DNAJB14: variants seen among roughly 807,000 people sequenced by gnomAD.
The protein encoded by DNAJB14 is DnaJ heat shock protein family (Hsp40) member B14.
A neutral mutation model predicts 48.4 loss-of-function variants in DNAJB14; 22 were observed. That is an observed-to-expected ratio of 0.45 (90% CI 0.32 to 0.65). The LOEUF (loss-of-function observed/expected upper bound fraction) is 0.65. DNAJB14 is among the 30% of genes least tolerant of loss of function. The pLI, the probability that DNAJB14 is intolerant of heterozygous loss-of-function variation, is 0.03. For missense variants in DNAJB14, 319 were observed against 458.8 expected, an observed-to-expected ratio of 0.70 and a Z score of 2.78; for synonymous variants, 142 against 158.7, an observed-to-expected ratio of 0.89 and a Z score of 0.79.
At chr4:99,905,297 T>C (rs573901735) in intron 6 of DNAJB14, among the ~76,000 whole-genome samples, 7 of 152,264 alleles carry the variant, frequency 4.6e-5, no homozygotes, top group African/African-American at 1.4e-4. Context: ...TTTTGTCCTT[T>C]AGAGTATTTT....
chr4:99,906,496 G>A (rs1725472185), intron 5 of DNAJB14, 21 bp downstream of exon 5: 1 of 1,604,674 alleles, frequency 6.2e-7, no homozygotes, highest in Admixed American at 1.7e-5. Flanking sequence ...GCCATTTTGT[G>A]ATTTCTAGTC....
intron 6 of DNAJB14, 86 bp downstream of exon 6, chr4:99,905,504 CTTAAAAG>C (rs1560730992): frequency 1.3e-5 from 12 of 892,752 alleles, no homozygotes; most frequent in Non-Finnish European, 1.7e-5. Context: ...AGATTTGGCA[CTTAAAAG>C]TTTAAAAGAG....
At chr4:99,914,450 C>A (rs1236325405) in intron 3 of DNAJB14, among the ~76,000 whole-genome samples, 2 of 151,986 alleles carry the variant, frequency 1.3e-5, no homozygotes, top group African/African-American at 2.4e-5. Flanking sequence ...ACAATGAGAA[C>A]CCTTGGACGC....
Position 99,946,614 on chromosome 4 carries a change from A to C in DNAJB14, c.-43T>G. ...GTTTCCTCCGGCAGCGCAGCTAAGA[A>C]GGGCGGAAGCCGCCGCCGCGGAGGA... On this transcript the variant is annotated 5_prime_UTR_variant, in exon 1 of 8. Coordinates refer to ENST00000442697, the MANE Select transcript of DNAJB14 (RefSeq NM_001031723.4). 1.2e-6 allele frequency: 2 copies of C among 1,605,126 alleles called. No individual in the cohort carries two copies. Among genetic ancestry groups the C allele is most frequent in the Non-Finnish European group, 1.7e-6 (2 of 1,174,528 alleles).
intron 1 of DNAJB14, among the ~76,000 whole-genome samples, chr4:99,937,763 CA>C (rs1194434476): frequency 6.6e-6 from 1 of 151,126 alleles, no homozygotes; most frequent in Non-Finnish European, 1.5e-5. Context: ...ACACCAAAAA[CA>C]AATACGATGA....
At chr4:99,906,636 A>G in intron 4 of DNAJB14, 25 bp from the exon 5 acceptor site, 1 of 1,553,980 alleles carries the variant, frequency 6.4e-7, no homozygotes. Context: ...GCAAGGTTAA[A>G]TTAGGGAGAG....
At position 99,930,435 on chromosome 4, in the gene DNAJB14, C is replaced by T; in HGVS notation, c.305+15G>A. 6.4e-7 allele frequency: 1 copy of T among 1,564,046 alleles called. No homozygotes were observed. Among genetic ancestry groups the T allele is most frequent in the Non-Finnish European group, 8.7e-7 (1 of 1,155,920 alleles). Reference sequence around the variant, plus strand: ...TACCAATTATGATTGAGATGTAAACCATATTTATTCCTACCTGAGAACTCC... The same window carrying T: ...TACCAATTATGATTGAGATGTAAACTATATTTATTCCTACCTGAGAACTCC... On this transcript the variant is annotated intron_variant, in intron 2 of 7. Transcript: ENST00000442697.
In DNAJB14 at chr4:99,897,152, T is replaced by C. The variant is rs951531141; in HGVS notation, c.*3876A>G. Reference sequence around the variant, plus strand: ...CTCTGTGCAAACATAGTGTGGTATATATTAAACAATCACACATTTGAGGTA... The same window carrying C: ...CTCTGTGCAAACATAGTGTGGTATACATTAAACAATCACACATTTGAGGTA... On this transcript the variant is annotated 3_prime_UTR_variant, in exon 8 of 8. Transcript: ENST00000442697. 1 of 147,650 alleles carries C rather than the reference T, an allele frequency of 6.8e-6. No homozygotes were observed. Among genetic ancestry groups the C allele is most frequent in the Admixed American group, 6.8e-5 (1 of 14,636 alleles). The allele number at this position is 147,650 out of a possible 1,614,324, so 9.1% of individuals were successfully genotyped here.
At chr4:99,930,290 G>T in intron 2 of DNAJB14, 160 bp downstream of exon 2, 2 of 576,920 alleles carry the variant, frequency 3.5e-6, no homozygotes, top group Non-Finnish European at 5.5e-6. Flanking sequence ...GTACTTTACA[G>T]ACCAGTTTTA....
intron 2 of DNAJB14, chr4:99,927,945 G>A (rs1726315665): frequency 6.6e-6 from 1 of 152,046 alleles, no homozygotes; most frequent in African/African-American, 2.4e-5. Flanking sequence ...TAAGAGAAAA[G>A]GTATATTCAG....
chr4:99,906,121 C>G, intron 5 of DNAJB14: 1 of 1,314,156 alleles, frequency 7.6e-7, no homozygotes. Flanking sequence ...AGTGCTCTTT[C>G]CATTTACCTT....
chr4:99,930,676 T>C (rs563854408), intron 1 of DNAJB14, 55 bp from the exon 2 acceptor site: 2 of 1,503,748 alleles, frequency 1.3e-6, no homozygotes, highest in South Asian at 2.8e-5. Flanking sequence ...ATACACAAGA[T>C]CCTGAGAAGA....
intron 1 of DNAJB14, among the ~76,000 whole-genome samples, chr4:99,932,385 AAATGGTC>A (rs1385636402): frequency 3.3e-5 from 5 of 152,284 alleles, no homozygotes; most frequent in South Asian, 2.1e-4. Flanking sequence ...ACAAACAAAC[AAATGGTC>A]AATAAGCACA....
At chr4:99,943,439 A>G (rs1363404144) in intron 1 of DNAJB14, among the ~76,000 whole-genome samples, 3 of 152,298 alleles carry the variant, frequency 2.0e-5, no homozygotes, top group Non-Finnish European at 4.4e-5. Context: ...TGTTTGCATG[A>G]CAGAAGCATG....
At chr4:99,902,103 A>G (rs1327141230) in intron 7 of DNAJB14, among the ~76,000 whole-genome samples, 1 of 152,170 alleles carries the variant, frequency 6.6e-6, no homozygotes, top group Non-Finnish European at 1.5e-5. Flanking sequence ...GACTCTTCCC[A>G]AAGAAGAAAT....
chr4:99,930,121 C>T (rs752782506), intron 2 of DNAJB14: 1 of 170,426 alleles, frequency 5.9e-6, no homozygotes, highest in Non-Finnish European at 1.2e-5. Context: ...CTCCCATTTT[C>T]ATCTATGTAA....
chr4:99,910,378 A>T (rs2110197693), intron 3 of DNAJB14: 1 of 152,152 alleles, frequency 6.6e-6, no homozygotes, highest in Admixed American at 6.5e-5. Flanking sequence ...ACTCATACCT[A>T]AAAAAAGAAG....
chr4:99,921,828 A>T (rs1273469077), intron 3 of DNAJB14, among the ~76,000 whole-genome samples: 1 of 152,200 alleles, frequency 6.6e-6, no homozygotes, highest in Non-Finnish European at 1.5e-5. Flanking sequence ...GAAATTTCCC[A>T]ACTTTCTGTA....
intron 1 of DNAJB14, chr4:99,942,446 A>G (rs1389334172): frequency 6.6e-6 from 1 of 152,110 alleles, no homozygotes; most frequent in Non-Finnish European, 1.5e-5. Flanking sequence ...CAATAAATGT[A>G]CAGTTTATTC....
Sources: allele counts gnomAD v4.1 joint callset (sites outside exome capture counted in the v4.1 genomes callset), GRCh38; gene constraint gnomAD v4.1.1; transcripts MANE v1.5; gene names NCBI Gene and HGNC (gene_info 2026-07-23, HGNC 2026-07-21).